TBC1D5: variants seen among roughly 807,000 people sequenced by gnomAD.
The protein encoded by TBC1D5 is TBC1 domain family member 5, also known as TBC1 domain family, member 5.
Under a neutral mutation model 100.3 loss-of-function variants are expected in TBC1D5, and 75 were observed. The ratio of observed to expected loss-of-function variants is 0.75; its 90% CI spans 0.62 to 0.91. TBC1D5 has a LOEUF of 0.91. Among genes scored for constraint, TBC1D5 ranks in the 40% least tolerant of loss-of-function variants. The probability of loss-of-function intolerance (pLI) is 0.00; values close to 1 mark genes in which losing one functional copy is unlikely to be tolerated. For synonymous variants in TBC1D5, 323 were observed against 325.6 expected (o/e 0.99, Z 0.09); for missense variants, 910 against 942.4 (o/e 0.97, Z 0.45).
At chr3:17,291,845 C>T (rs1293011456) in intron 15 of TBC1D5, 50 bp downstream of exon 15, 3 of 1,519,678 alleles carry the variant, frequency 2.0e-6, no homozygotes, top group Admixed American at 1.8e-5. Context: ...ACAGAGAAGC[C>T]TATTTTTCAC....
At chr3:17,706,064 TC>T in intron 1 of TBC1D5, 1 of 1,595,842 alleles carries the variant, frequency 6.3e-7, no homozygotes, top group Non-Finnish European at 8.5e-7. Flanking sequence ...CCTACTGATT[TC>T]CCCCGACCCC....
chr3:17,335,308 C>T (rs2087545907), intron 13 of TBC1D5, among the ~76,000 whole-genome samples: 1 of 152,078 alleles, frequency 6.6e-6, no homozygotes, highest in African/African-American at 2.4e-5. Flanking sequence ...TAACAGGATA[C>T]ATAAATGTGC....
intron 2 of TBC1D5, among the ~76,000 whole-genome samples, chr3:17,553,831 C>T (rs1485180396): frequency 6.6e-6 from 1 of 152,138 alleles, no homozygotes; most frequent in Non-Finnish European, 1.5e-5. Context: ...AGATAAGAGA[C>T]TTAGGACCTA....
intron 13 of TBC1D5, among the ~76,000 whole-genome samples, chr3:17,313,569 A>G (rs1019053731): frequency 2.6e-5 from 4 of 152,162 alleles, no homozygotes; most frequent in African/African-American, 9.7e-5. Context: ...AACATGTCTG[A>G]CTTTATTTTT....
At position 17,732,085 on chromosome 3, in the gene TBC1D5, A is replaced by G. The variant is rs556122379; in HGVS notation, c.-101+7258T>C. Among the ~76,000 whole-genome samples, 5 of 152,274 alleles carry G rather than the reference A, an allele frequency of 3.3e-5. No homozygotes were observed. The South Asian group carries it at 1.0e-3, about 32-fold the overall frequency. On this transcript the variant is annotated intron_variant, in intron 1 of 21. Transcript: ENST00000253692. The stretch of plus-strand genomic sequence containing the variant: ...GTAATCCCAGCACTTTGGGAGGCCG[A>G]GGCAGGCAGATCACTTGAGGTCAGG...
At chr3:17,693,803 G>C (rs1035540467) in intron 1 of TBC1D5, among the ~76,000 whole-genome samples, 8 of 152,208 alleles carry the variant, frequency 5.3e-5, no homozygotes, top group African/African-American at 1.9e-4. Flanking sequence ...AACCCGTGTA[G>C]CCAAACTGGG....
At chr3:17,598,222 G>GGGAA (rs1560244641) in intron 2 of TBC1D5, among the ~76,000 whole-genome samples, 1 of 152,108 alleles carries the variant, frequency 6.6e-6, no homozygotes, top group Non-Finnish European at 1.5e-5. Flanking sequence ...GCTTACATTA[G>GGGAA]TCTTTGTTCA....
rs539501346 is a variant in TBC1D5, at chr3:17,621,270, T to G, written c.-36+2579A>C. On this transcript the variant is annotated intron_variant, in intron 2 of 21. Coordinates refer to ENST00000253692, the Ensembl canonical transcript of TBC1D5. ...ATAAATACAGATGCATGTGTATACA[T>G]AAAGCTTATATATTTCCTACCTCTG... Among the ~76,000 whole-genome samples the G allele has an allele frequency of 1.2e-4, 19 of 152,288 alleles. No homozygotes were observed. In the South Asian group the frequency reaches 3.7e-3, roughly 30 times the overall value.
intron 4 of TBC1D5, among the ~76,000 whole-genome samples, chr3:17,415,982 G>T (rs2094057487): frequency 6.6e-6 from 1 of 152,086 alleles, no homozygotes; most frequent in African/African-American, 2.4e-5. Context: ...AGGAAAGGCT[G>T]GTAGAATAGA....
chr3:17,326,432 T>C (rs1158208253), intron 13 of TBC1D5, among the ~76,000 whole-genome samples: 1 of 152,180 alleles, frequency 6.6e-6, no homozygotes, highest in Admixed American at 6.5e-5. Context: ...TTGCTCCATC[T>C]TACTTGGAAC....
chr3:17,739,472 G>T (rs2077221337), exon 1 of TBC1D5: 1 of 152,110 alleles, frequency 6.6e-6, no homozygotes, highest in Non-Finnish European at 1.5e-5. Context: ...AAACCTAAAG[G>T]TTAGGATAAC....
chr3:17,540,457 T>G (rs1327237690), intron 2 of TBC1D5, among the ~76,000 whole-genome samples: 1 of 152,232 alleles, frequency 6.6e-6, no homozygotes, highest in Non-Finnish European at 1.5e-5. Context: ...TTTTGGGTCT[T>G]ACATTTATGT....
intron 15 of TBC1D5, among the ~76,000 whole-genome samples, chr3:17,262,563 G>A (rs1007091419): frequency 6.8e-5 from 10 of 146,010 alleles, no homozygotes; most frequent in Non-Finnish European, 1.3e-4. Flanking sequence ...CTCACTGCAA[G>A]CTCCACCTCC....
chr3:17,192,807 G>A (rs2070126582), intron 18 of TBC1D5, among the ~76,000 whole-genome samples: 1 of 152,246 alleles, frequency 6.6e-6, no homozygotes, highest in Non-Finnish European at 1.5e-5. Flanking sequence ...CCACTGGTAG[G>A]CTTCCTTGTT....
intron 13 of TBC1D5, among the ~76,000 whole-genome samples, chr3:17,339,419 C>T (rs932069244): frequency 6.6e-6 from 1 of 152,298 alleles, no homozygotes. Flanking sequence ...AAATTTTTCA[C>T]GTGGCATCCG....
chr3:17,721,203 A>G lies in TBC1D5; in HGVS notation c.-101+18140T>C, dbSNP rs180942265. Reference sequence around the variant, plus strand: ...TTTGTGTCTCAACTATAAACTATAAAAAGAAAAATCTAGGTCTATCAAATA... The same window carrying G: ...TTTGTGTCTCAACTATAAACTATAAGAAGAAAAATCTAGGTCTATCAAATA... On this transcript the variant is annotated intron_variant, in intron 1 of 21. Coordinates refer to ENST00000253692, the Ensembl canonical transcript of TBC1D5. Among the ~76,000 whole-genome samples, 19 of 152,326 alleles carry G rather than the reference A, an allele frequency of 1.2e-4. No individual in the cohort carries two copies. The East Asian group carries it at 2.5e-3, about 20-fold the overall frequency.
rs142734296 is a variant in TBC1D5 at position 17,217,542 on chromosome 3, A to G, written c.1589-3172T>C. On this transcript the variant is annotated intron_variant, in intron 17 of 21. Coordinates refer to ENST00000253692, the Ensembl canonical transcript of TBC1D5. ...CACATGCTTGTCAACACTTACTATG[A>G]GCTATCTTTTTATTTCAGCCATCCT... Among the ~76,000 whole-genome samples, 1,395 of 152,082 alleles carry G rather than the reference A, an allele frequency of 9.2e-3. 23 individuals carry two copies. Among genetic ancestry groups the G allele is most frequent in the African/African-American group, 0.031 (1,302 of 41,508 alleles).
At chr3:17,687,503 G>A (rs1456230972) in intron 1 of TBC1D5, among the ~76,000 whole-genome samples, 1 of 151,936 alleles carries the variant, frequency 6.6e-6, no homozygotes, top group Non-Finnish European at 1.5e-5. Context: ...ACAAGGAGAG[G>A]GGGAAAAAAG....
chr3:17,532,412 G>A (rs1576552784), intron 2 of TBC1D5, among the ~76,000 whole-genome samples: 3 of 152,312 alleles, frequency 2.0e-5, no homozygotes, highest in Admixed American at 1.3e-4. Flanking sequence ...TTCAACCATT[G>A]TGGAAGTCAG....
Sources: allele counts gnomAD v4.1 joint callset (sites outside exome capture counted in the v4.1 genomes callset), GRCh38; gene constraint gnomAD v4.1.1; transcripts MANE v1.5; gene names NCBI Gene and HGNC (gene_info 2026-07-23, HGNC 2026-07-21).